Variants in RELL1 observed in about 807,000 individuals in gnomAD.
The protein encoded by RELL1 is RELT-like protein 1.
RELL1 carries 10 observed loss-of-function variants against 23.0 expected under a neutral mutation model. The observed-to-expected ratio is 0.43, with a 90% CI of 0.27 to 0.74. The LOEUF is 0.74. Among genes scored for constraint, RELL1 ranks in the 30% least tolerant of loss-of-function variants. The pLI is 0.19. For missense variants in RELL1, 315 were observed against 364.4 expected, an observed-to-expected ratio of 0.86 and a Z score of 1.10; for synonymous variants, 146 against 146.8, an observed-to-expected ratio of 0.99 and a Z score of 0.04.
At chr4:37,639,316 G>A (rs1324360709) in intron 3 of RELL1, among the ~76,000 whole-genome samples, 7 of 137,416 alleles carry the variant, frequency 5.1e-5, no homozygotes, top group East Asian at 4.2e-4. Context: ...CCCAGGAGGC[G>A]AAGCTTACAG....
rs1473541711 is a variant in RELL1, at chr4:37,635,178, G to A, written c.444-55C>T. On this transcript the variant is annotated intron_variant, in intron 4 of 6. Coordinates refer to ENST00000454158, the MANE Select transcript of RELL1 (RefSeq NM_001085400.2). The stretch of plus-strand genomic sequence containing the variant: ...ACTGGTTAAAGGAAATATCAGCGAA[G>A]GTGATCTCTCTCCCTGTGATGACAG... The A allele has an allele frequency of 4.4e-6, 6 of 1,375,410 alleles. No homozygotes were observed. In the Admixed American group the frequency reaches 5.0e-5, roughly 12 times the overall value. 85.2% of individuals were successfully genotyped at this position (1,375,410 alleles called of 1,614,324 possible).
At position 37,612,748 on chromosome 4, in the gene RELL1, T is replaced by C. The variant is rs1719448953; in HGVS notation, c.*598A>G. On this transcript the variant is annotated 3_prime_UTR_variant, in exon 7 of 7. Transcript: ENST00000454158. ...GTCAAGGAATCCAAAGTCTAGCATC[T>C]GGTCCCATCTGACTCCATGGTCCCT... Among the ~76,000 whole-genome samples, 1 of 152,098 alleles carries C rather than the reference T, an allele frequency of 6.6e-6. No homozygotes were observed. Among genetic ancestry groups the C allele is most frequent in the Admixed American group, 6.5e-5 (1 of 15,272 alleles).
At chr4:37,590,477 G>A (rs1402146395), downstream of RELL1, 2 of 1,610,828 alleles carry the variant, frequency 1.2e-6, no homozygotes, top group Non-Finnish European at 1.7e-6. Flanking sequence ...GAAGGAGGGG[G>A]CACCAGGAAA....
At chr4:37,586,587 A>G (rs1183269584), downstream of RELL1, among the ~76,000 whole-genome samples, 1 of 152,198 alleles carries the variant, frequency 6.6e-6, no homozygotes, top group Non-Finnish European at 1.5e-5. Flanking sequence ...GTGCTGCTGC[A>G]GCAAATTACT....
intron 1 of RELL1, among the ~76,000 whole-genome samples, chr4:37,676,667 C>G (rs1022028784): frequency 6.6e-6 from 1 of 152,108 alleles, no homozygotes; most frequent in Non-Finnish European, 1.5e-5. Context: ...AGCAATTTGG[C>G]CCACAGAGGC....
chr4:37,669,005 T>TGGGG (rs1331662561), intron 1 of RELL1, among the ~76,000 whole-genome samples: 1 of 117,654 alleles, frequency 8.5e-6, no homozygotes, highest in Admixed American at 8.0e-5. Context: ...AGGAGAGAGG[T>TGGGG]GGGGGGGTCA....
At chr4:37,625,560 A>G (rs1719906810) in intron 6 of RELL1, among the ~76,000 whole-genome samples, 1 of 152,180 alleles carries the variant, frequency 6.6e-6, no homozygotes, top group Non-Finnish European at 1.5e-5. Flanking sequence ...ATGGGAAGGG[A>G]GGGTTGGGGA....
chr4:37,662,675 CTAG>C (rs1323027072), intron 1 of RELL1, among the ~76,000 whole-genome samples: 4 of 152,002 alleles, frequency 2.6e-5, no homozygotes, highest in African/African-American at 9.7e-5. Flanking sequence ...GATAAAGTCC[CTAG>C]CCTACTCCAC....
chr4:37,640,417 G>A (rs1281657754), intron 3 of RELL1, among the ~76,000 whole-genome samples: 2 of 152,176 alleles, frequency 1.3e-5, no homozygotes, highest in Non-Finnish European at 2.9e-5. Flanking sequence ...GCTAATAAAT[G>A]AGGATTCAGA....
chr4:37,604,800 C>CAG lies in RELL1; in HGVS notation c.*4-13584_*4-13583insCT, dbSNP rs1560323586. Among the ~76,000 whole-genome samples the CAG allele has an allele frequency of 2.5e-5, 3 of 122,100 alleles. No homozygotes were observed. The East Asian group carries it at 7.2e-4, about 29-fold the overall frequency. 80.1% of individuals were successfully genotyped at this position (122,100 alleles called of 152,430 possible). ...AGACACACACAGACACACACACAGA[C>CAG]ACACACACAGACACACACACAGACA... On this transcript the variant is annotated intron_variant, in intron 6 of 6. Transcript: ENST00000314117.
At chr4:37,590,922 C>A in exon 7 of RELL1, 4 of 1,614,134 alleles carry the variant, frequency 2.5e-6, no homozygotes, top group Non-Finnish European at 3.4e-6. Context: ...AGATTGTGGA[C>A]GAGGATGCAG....
At chr4:37,649,560 G>A (rs959644376) in intron 1 of RELL1, 60 bp from the exon 2 acceptor site, 1 of 1,439,198 alleles carries the variant, frequency 6.9e-7, no homozygotes, top group Non-Finnish European at 9.7e-7. Flanking sequence ...AAAACCTAAT[G>A]ACTCTCAGGT....
intron 6 of RELL1, among the ~76,000 whole-genome samples, chr4:37,605,470 A>T (rs566691651): frequency 2.0e-4 from 31 of 152,232 alleles, no homozygotes; most frequent in African/African-American, 7.2e-4. Flanking sequence ...GGGCTTTCAA[A>T]AAAGAAAGGA....
At chr4:37,640,526 C>T (rs185850792) in intron 3 of RELL1, among the ~76,000 whole-genome samples, 71 of 152,262 alleles carry the variant, frequency 4.7e-4, no homozygotes, top group African/African-American at 1.5e-3. Flanking sequence ...AGTATCCATG[C>T]GGGGATGTTC....
Position 37,647,451 on chromosome 4 carries a change from AAG to A in RELL1, c.314-14_314-13del. ...ACTGTCATTCAATTCTGAAAGAGAA[AAG>A]AGGAGGGGAGAACAGGTTACAATTG... On this transcript the variant is annotated splice_polypyrimidine_tract_variant and intron_variant, in intron 2 of 6. Coordinates refer to ENST00000454158, the MANE Select transcript of RELL1 (RefSeq NM_001085400.2). The A allele has an allele frequency of 6.3e-7, 1 of 1,599,726 alleles. No individual in the cohort carries two copies. Among genetic ancestry groups the A allele is most frequent in the Non-Finnish European group, 8.6e-7 (1 of 1,167,160 alleles).
chr4:37,628,158 A>G (rs938369160), intron 6 of RELL1, among the ~76,000 whole-genome samples: 5 of 152,158 alleles, frequency 3.3e-5, no homozygotes, highest in African/African-American at 9.7e-5. Flanking sequence ...GGGTAATCAG[A>G]TAGGGCCACC....
At chr4:37,620,974 G>C (rs987155425) in intron 6 of RELL1, among the ~76,000 whole-genome samples, 4 of 152,158 alleles carry the variant, frequency 2.6e-5, no homozygotes, top group African/African-American at 9.7e-5. Flanking sequence ...GGCATCAGAG[G>C]CTAAGTAATT....
At chr4:37,671,653 C>T (rs911320574) in intron 1 of RELL1, among the ~76,000 whole-genome samples, 1 of 152,206 alleles carries the variant, frequency 6.6e-6, no homozygotes, top group African/African-American at 2.4e-5. Flanking sequence ...GGAAAACTCA[C>T]GAATAATCCA....
intron 6 of RELL1, among the ~76,000 whole-genome samples, chr4:37,604,844 C>CACAT (rs1719127968): frequency 8.0e-5 from 10 of 124,636 alleles, no homozygotes; most frequent in Admixed American, 2.4e-4. Flanking sequence ...CACACAGACA[C>CACAT]ACACACAGAC....
Sources: gnomAD v4.1 joint callset for allele counts (sites outside exome capture counted in the v4.1 genomes callset) on GRCh38, gnomAD v4.1.1 for gene constraint, MANE v1.5 for transcripts, NCBI Gene and HGNC (gene_info 2026-07-23, HGNC 2026-07-21) for gene names.